MMD2: variants seen among roughly 807,000 people sequenced by gnomAD.
MMD2 encodes monocyte to macrophage differentiation factor 2.
Under a neutral mutation model 33.5 loss-of-function variants are expected in MMD2, and 30 were observed. That is an observed-to-expected ratio of 0.90 (90% CI 0.67 to 1.22). The LOEUF (loss-of-function observed/expected upper bound fraction) is 1.22. MMD2 is among the 50% of genes most tolerant of loss of function. The pLI, the probability that MMD2 is intolerant of heterozygous loss-of-function variation, is 0.00. For synonymous variants in MMD2, 129 were observed against 123.0 expected (o/e 1.05, Z -0.32); for missense variants, 364 against 325.4 (o/e 1.12, Z -0.91).
At chr7:4,931,428 C>T (rs1165646104) in intron 1 of MMD2, among the ~76,000 whole-genome samples, 2 of 151,782 alleles carry the variant, frequency 1.3e-5, no homozygotes, top group Non-Finnish European at 2.9e-5. Flanking sequence ...GTTGGGATTA[C>T]AGGCATGAGC....
At chr7:4,952,467 C>A (rs1786270938) in intron 1 of MMD2, among the ~76,000 whole-genome samples, 1 of 152,194 alleles carries the variant, frequency 6.6e-6, no homozygotes, top group Admixed American at 6.6e-5. Flanking sequence ...AACAGCTCCC[C>A]CCAGGCATAG....
intron 4 of MMD2, among the ~76,000 whole-genome samples, chr7:4,914,417 A>T (rs1785091018): frequency 6.6e-6 from 1 of 152,128 alleles, no homozygotes; most frequent in South Asian, 2.1e-4. Flanking sequence ...TTTCATTTCC[A>T]TCAGCTTCTC....
At chr7:4,910,566 C>T (rs903347091) in intron 5 of MMD2, among the ~76,000 whole-genome samples, 8 of 152,068 alleles carry the variant, frequency 5.3e-5, no homozygotes, top group South Asian at 4.1e-4. Context: ...GGGCAGGTGG[C>T]ATGTGACCAC....
intron 1 of MMD2, among the ~76,000 whole-genome samples, chr7:4,947,881 G>A (rs907728075): frequency 6.6e-6 from 1 of 151,398 alleles, no homozygotes; most frequent in African/African-American, 2.4e-5. Flanking sequence ...TGTATTTTTA[G>A]TAGAGACAGG....
intron 3 of MMD2, among the ~76,000 whole-genome samples, chr7:4,918,570 G>A (rs1286116813): frequency 1.4e-5 from 2 of 144,480 alleles, no homozygotes; most frequent in East Asian, 2.1e-4. Context: ...TGCAACCTCC[G>A]CCTACCAGGT....
At chr7:4,893,456 A>G in the MMD2 span, among the ~76,000 whole-genome samples, 2 of 151,604 alleles carry the variant, frequency 1.3e-5, no homozygotes, top group African/African-American at 2.4e-5. Context: ...CAGTGGCGCA[A>G]TCTTGTCTCA....
intron 1 of MMD2, among the ~76,000 whole-genome samples, chr7:4,952,332 C>G (rs1349911720): frequency 6.6e-6 from 1 of 152,238 alleles, no homozygotes; most frequent in African/African-American, 2.4e-5. Context: ...AGATGCATTT[C>G]TGCACTGCTG....
chr7:4,907,732 C>T (rs750466953), intron 6 of MMD2, 133 bp from the exon 7 acceptor site: 11 of 722,634 alleles, frequency 1.5e-5, no homozygotes, highest in Non-Finnish European at 2.6e-5. Flanking sequence ...AGGTGGGAAG[C>T]CTCAACACTG....
chr7:4,916,562 T>C (rs1055469416), intron 3 of MMD2, among the ~76,000 whole-genome samples: 2 of 151,894 alleles, frequency 1.3e-5, no homozygotes, highest in South Asian at 2.1e-4. Flanking sequence ...TTTGTATTTT[T>C]AGTAGAGACG....
intron 1 of MMD2, among the ~76,000 whole-genome samples, chr7:4,926,901 T>C (rs1291761066): frequency 2.0e-5 from 3 of 152,020 alleles, no homozygotes; most frequent in East Asian, 1.9e-4. Flanking sequence ...CCCGCCATCA[T>C]GCCCAGCTGA....
In MMD2 at chr7:4,920,332, C is replaced by T; in HGVS notation, c.130-1G>A. On this transcript the variant is annotated splice_acceptor_variant, in intron 2 of 6. Transcript: ENST00000401401. LOFTEE classifies it high-confidence loss of function. ...CCAGGATGCTGGGGATGATCCAGAA[C>T]TGGAGGGGCAGGGACGGCAGGGACA... The T allele has an allele frequency of 6.2e-7, 1 of 1,607,484 alleles. No homozygotes were observed.
At chr7:4,926,185 C>T (rs1016213348) in intron 1 of MMD2, among the ~76,000 whole-genome samples, 2 of 151,854 alleles carry the variant, frequency 1.3e-5, no homozygotes, top group Non-Finnish European at 2.9e-5. Flanking sequence ...GCTGCCTCCA[C>T]CTCCTGGGCT....
Position 4,906,973 on chromosome 7 carries a change from C to T in MMD2, c.*423G>A, listed in dbSNP as rs779664462. ...CCCTTTCCCTGAACCAGAGACAATT[C>T]GCCAGCCTGGACTTTGGTAACAGAG... On this transcript the variant is annotated 3_prime_UTR_variant, in exon 7 of 7. Transcript: ENST00000401401. 1.4e-4 allele frequency: 33 copies of T among 231,004 alleles called. No homozygotes were observed. Among genetic ancestry groups the T allele is most frequent in the Admixed American group, 3.1e-4 (6 of 19,490 alleles). The allele number at this position is 231,004 out of a possible 1,614,324, so 14.3% of individuals were successfully genotyped here. A position where few individuals can be genotyped will look rare whatever the true frequency, so the allele number is the denominator to read the frequency against.
chr7:4,923,324 G>A (rs986719119), intron 2 of MMD2, among the ~76,000 whole-genome samples: 6 of 151,922 alleles, frequency 3.9e-5, no homozygotes, highest in East Asian at 1.9e-4. Context: ...GGCTGGTCTC[G>A]AACTCCCAAC....
rs962039925 is a variant in MMD2 at position 4,928,466 on chromosome 7, G to A, written c.48-2934C>T. ...ATTTGTTAAGCACCTCCTGTATGCT[G>A]GATCCAGGTCAAGTACAGTTACAGA... On this transcript the variant is annotated intron_variant, in intron 1 of 6. Coordinates refer to ENST00000401401, the MANE Select transcript of MMD2 (RefSeq NM_198403.4). 2.6e-5 allele frequency among the ~76,000 whole-genome samples: 4 copies of A among 151,632 alleles called. No individual in the cohort carries two copies. In the South Asian group the frequency reaches 8.4e-4, roughly 32 times the overall value.
rs370325646 is a variant in MMD2 at position 4,940,205 on chromosome 7, C to T, written c.48-14673G>A. On this transcript the variant is annotated intron_variant, in intron 1 of 6. Coordinates refer to ENST00000401401, the MANE Select transcript of MMD2 (RefSeq NM_198403.4). The surrounding 1 kb of genome is among the most constrained non-coding windows in gnomAD (Gnocchi z 5.0). ...AGCATCCTGACCTGGGTGCAGGGTC[C>T]GGCACACCCCAGCTCCCCCGGCTCG... Among the ~76,000 whole-genome samples the T allele has an allele frequency of 6.6e-6, 1 of 152,072 alleles. No individual in the cohort carries two copies. The highest frequency in any genetic ancestry group is 2.1e-4 in the South Asian group (1 of 4,812).
chr7:4,941,081 C>T (rs1299600752), intron 1 of MMD2, among the ~76,000 whole-genome samples: 2 of 152,102 alleles, frequency 1.3e-5, no homozygotes, highest in Non-Finnish European at 2.9e-5. Context: ...GAGGAGGGGT[C>T]GCCCCAACAA....
At chr7:4,947,989 C>T (rs901506608) in intron 1 of MMD2, among the ~76,000 whole-genome samples, 6 of 152,060 alleles carry the variant, frequency 3.9e-5, no homozygotes, top group Non-Finnish European at 8.8e-5. Context: ...TGAGCCACCG[C>T]GCCCGGCCAC....
chr7:4,943,004 CTTTT>C (rs33983457), intron 1 of MMD2, among the ~76,000 whole-genome samples: 3 of 85,692 alleles, frequency 3.5e-5, no homozygotes, highest in Middle Eastern at 0.012. Flanking sequence ...CTGCCCTTTT[CTTTT>C]TTTTTTTTTT....
Sources: allele counts gnomAD v4.1 joint callset (sites outside exome capture counted in the v4.1 genomes callset), GRCh38; gene constraint gnomAD v4.1.1; non-coding constraint Gnocchi (gnomAD v3.1); transcripts MANE v1.5; gene names NCBI Gene and HGNC (gene_info 2026-07-23, HGNC 2026-07-21).